Variants in CAND1 observed in about 807,000 individuals in gnomAD.
CAND1 encodes the protein cullin associated and neddylation dissociated 1.
In CAND1, 7 loss-of-function variants were observed where a neutral mutation model predicts 108.5. The ratio of observed to expected loss-of-function variants is 0.06; its 90% CI spans 0.04 to 0.12. The LOEUF (loss-of-function observed/expected upper bound fraction) is 0.12. Ranked by LOEUF, CAND1 falls within the 10% of genes least tolerant of loss-of-function variation. CAND1 has a pLI of 1.00. For missense variants in CAND1, 941 were observed against 1,448.7 expected (o/e 0.65, Z 5.69); for synonymous variants, 534 against 512.0 (o/e 1.04, Z -0.58).
At chr12:67,290,756 A>G (rs12828379) in intron 2 of CAND1, among the ~76,000 whole-genome samples, 5,158 of 152,140 alleles carry the variant, frequency 0.034, 132 homozygotes, top group Non-Finnish European at 0.051. Context: ...TTCTTAATAT[A>G]GGGGTCCTTA....
chr12:67,305,805 A>G lies in CAND1; in HGVS notation c.2137A>G (p.Ile713Val). ...ESDMHVSQMA[I>V]SFLTTLAKVY... ...TGATATGCATGTTTCACAAATGGCC[A>G]TCAGTTTTCTTACCACTTTGGCAAA... The change falls in exon 10 of 15, where the codon ATC (isoleucine) becomes GTC (valine). Residue 713 changes from isoleucine (I) to valine (V), a missense_variant. By Grantham distance (29) the Ile-to-Val change is conservative. This residue lies in a region of CAND1 where 697 missense variants were observed against 942.0 expected (regional missense o/e 0.74). Transcript: ENST00000545606. This position sits in a 1 kb window ranked among gnomAD's most constrained non-coding sequence, Gnocchi z 4.4. 6.2e-7 allele frequency: 1 copy of G among 1,614,188 alleles called. No individual in the cohort carries two copies. Among genetic ancestry groups the G allele is most frequent in the Non-Finnish European group, 8.5e-7 (1 of 1,180,036 alleles).
intron 1 of CAND1, among the ~76,000 whole-genome samples, chr12:67,280,602 TG>T (rs1473939419): frequency 6.6e-6 from 1 of 152,254 alleles, no homozygotes; most frequent in Non-Finnish European, 1.5e-5. Flanking sequence ...CCAAGAATTA[TG>T]GGACAAGTTC....
In CAND1 at chr12:67,305,690, T is replaced by C; in HGVS notation, c.2022T>C (p.Leu674=). 1 of 1,613,858 alleles carries C rather than the reference T, an allele frequency of 6.2e-7. No homozygotes were observed. Among genetic ancestry groups the C allele is most frequent in the Non-Finnish European group, 8.5e-7 (1 of 1,179,806 alleles). ...TGAAACTGGGTACTCTTTCTGCCCT[T>C]GATATTCTAATAAAAAACTATAGTG... ...RALKLGTLSA[L]DILIKNYSDS... Residue 674 remains leucine, a synonymous_variant, in exon 10 of 15, where the codon CTT becomes CTC. Coordinates refer to ENST00000545606, the MANE Select transcript of CAND1 (RefSeq NM_018448.5). This position sits in a 1 kb window ranked among gnomAD's most constrained non-coding sequence, Gnocchi z 4.4.
rs2045039544 is a variant in CAND1 at position 67,319,536 on chromosome 12, T to C, written c.*6706T>C. 1 of 152,118 alleles carries C rather than the reference T, an allele frequency of 6.6e-6. No individual in the cohort carries two copies. The highest frequency in any genetic ancestry group is 2.4e-5 in the African/African-American group (1 of 41,416). 9.4% of individuals were successfully genotyped at this position (152,118 alleles called of 1,614,324 possible). On this transcript the variant is annotated 3_prime_UTR_variant, in exon 15 of 15. Coordinates refer to ENST00000545606, the MANE Select transcript of CAND1 (RefSeq NM_018448.5). ...TGACTCCATTTTCAGGCACGTAATA[T>C]TGTCAAATTCCTTTTAAAAGCACCT...
At chr12:67,281,660 A>T (rs1286130542) in intron 1 of CAND1, among the ~76,000 whole-genome samples, 1 of 152,206 alleles carries the variant, frequency 6.6e-6, no homozygotes. Context: ...GGTACCTCAT[A>T]TAAAAGCATA....
chr12:67,294,902 T>G, intron 3 of CAND1, 131 bp from the exon 4 acceptor site: 1 of 866,776 alleles, frequency 1.2e-6, no homozygotes, highest in South Asian at 2.1e-5. Context: ...GAAAGATGTG[T>G]TTTTCTGCCC....
At chr12:67,293,103 A>G (rs1042006146) in intron 3 of CAND1, 2 of 262,560 alleles carry the variant, frequency 7.6e-6, no homozygotes, top group Non-Finnish European at 1.5e-5. Flanking sequence ...GATAACCAAA[A>G]TATTGCATCC....
chr12:67,270,310 C>T (rs1012618741), intron 1 of CAND1: 1 of 153,362 alleles, frequency 6.5e-6, no homozygotes, highest in East Asian at 1.9e-4. Context: ...CTTTTGCGCT[C>T]TTGGCTGATA....
chr12:67,304,726 A>C lies in CAND1; in HGVS notation c.1415A>C (p.His472Pro), dbSNP rs781412589. The change falls in exon 9 of 15, where the codon CAC becomes CCC. Residue 472 changes from histidine (H) to proline (P), a missense_variant. His to Pro is a moderately conservative substitution (Grantham distance 77, BLOSUM62 -2). Around this residue, in one of 9 missense-constraint regions of CAND1, gnomAD observed 697 missense variants for 942.0 expected, o/e 0.74. Coordinates refer to ENST00000545606, the MANE Select transcript of CAND1 (RefSeq NM_018448.5). ...GTATTACCTGGGGCCCTAACTCAACACATTCCTGTACTTGTACCAGGTATG... is the reference window on the plus strand; with the variant it reads ...GTATTACCTGGGGCCCTAACTCAACCCATTCCTGTACTTGTACCAGGTATG... ...VNVLPGALTQ[H>P]IPVLVPGIIF... The C allele has an allele frequency of 6.2e-6, 10 of 1,613,688 alleles. No individual in the cohort carries two copies. The highest frequency in any genetic ancestry group is 8.5e-6 in the Non-Finnish European group (10 of 1,179,874).
Position 67,312,603 on chromosome 12 carries a change from C to T in CAND1, c.3469-3C>T. 1 of 1,587,592 alleles carries T rather than the reference C, an allele frequency of 6.3e-7. No homozygotes were observed. Among genetic ancestry groups the T allele is most frequent in the Non-Finnish European group, 8.6e-7 (1 of 1,167,002 alleles). On this transcript the variant is annotated splice_polypyrimidine_tract_variant and splice_region_variant and intron_variant, in intron 14 of 14. Transcript: ENST00000545606. ...TGTAATCTAAGTTTACTCCATCTTA[C>T]AGGTAAAGGCAAACTCAGTAAAGCA... is the stretch of plus-strand genomic sequence containing the variant.
intron 1 of CAND1, among the ~76,000 whole-genome samples, chr12:67,275,594 A>G (rs2044561890): frequency 6.6e-6 from 1 of 152,182 alleles, no homozygotes; most frequent in Non-Finnish European, 1.5e-5. Flanking sequence ...GAAAAGTGAA[A>G]TAGCAGTGGT....
Position 67,319,666 on chromosome 12 carries a change from A to G in CAND1, c.*6836A>G, listed in dbSNP as rs1348507093. ...GGGCCGACTAGTCCAGCTGTTCACAAACAGCCCTTAATGTCAAACTGAATA... is the reference window on the plus strand; with the variant it reads ...GGGCCGACTAGTCCAGCTGTTCACAGACAGCCCTTAATGTCAAACTGAATA... On this transcript the variant is annotated 3_prime_UTR_variant, in exon 15 of 15. Transcript: ENST00000545606. 1 of 152,184 alleles carries G rather than the reference A, an allele frequency of 6.6e-6. No individual in the cohort carries two copies. The highest frequency in any genetic ancestry group is 2.4e-5 in the African/African-American group (1 of 41,428). The allele number at this position is 152,184 out of a possible 1,614,324, so 9.4% of individuals were successfully genotyped here.
At chr12:67,278,065 C>T (rs1295153987) in intron 1 of CAND1, among the ~76,000 whole-genome samples, 1 of 152,156 alleles carries the variant, frequency 6.6e-6, no homozygotes, top group East Asian at 1.9e-4. Flanking sequence ...CTGATATGGT[C>T]TACAAATCCT....
chr12:67,303,367 C>T (rs898448122), intron 8 of CAND1, among the ~76,000 whole-genome samples: 1 of 152,004 alleles, frequency 6.6e-6, no homozygotes, highest in Non-Finnish European at 1.5e-5. Flanking sequence ...TTAAGTAGTA[C>T]AAATAAATAC....
In CAND1 at chr12:67,317,266, G is replaced by C. The variant is rs2045016092; in HGVS notation, c.*4436G>C. ...TTCTCCCACCTCAGCCTCCCGAGTA[G>C]CTGGGAGTATAGGTGTGTGCCACCA... On this transcript the variant is annotated 3_prime_UTR_variant, in exon 15 of 15. Transcript: ENST00000545606. 6.6e-6 allele frequency: 1 copy of C among 152,218 alleles called. No homozygotes were observed. The highest frequency in any genetic ancestry group is 2.1e-4 in the South Asian group (1 of 4,806). 9.4% of individuals were successfully genotyped at this position (152,218 alleles called of 1,614,324 possible).
At position 67,302,341 on chromosome 12, in the gene CAND1, GTGA is replaced by G. The variant is rs2044833127; in HGVS notation, c.1029_1031del (p.Asp344del). On this transcript the variant is annotated inframe_deletion, in exon 8 of 15. Coordinates refer to ENST00000545606, the MANE Select transcript of CAND1 (RefSeq NM_018448.5). ...CCCTTAGGGAGTGATGATGAATACA[GTGA>G]TGATGATGACATGAGTTGGAAAGTG... 1 of 1,613,486 alleles carries G rather than the reference GTGA, an allele frequency of 6.2e-7. No homozygotes were observed. Among genetic ancestry groups the G allele is most frequent in the Admixed American group, 1.7e-5 (1 of 59,986 alleles).
intron 2 of CAND1, 38 bp downstream of exon 2, chr12:67,282,091 T>C: frequency 6.2e-7 from 1 of 1,605,850 alleles, no homozygotes; most frequent in Non-Finnish European, 8.5e-7. Flanking sequence ...TTCTTCCTGC[T>C]CCCCCAACCC....
chr12:67,304,997 A>G (rs900675254), intron 9 of CAND1, 107 bp from the exon 10 acceptor site: 1 of 989,292 alleles, frequency 1.0e-6, no homozygotes, highest in East Asian at 2.6e-5. Context: ...ACTTATAGAA[A>G]TAATATAATG....
rs903936517 is a variant in CAND1 at position 67,318,304 on chromosome 12, T to C, written c.*5474T>C. The C allele has an allele frequency of 5.3e-5, 8 of 152,252 alleles. No individual in the cohort carries two copies. Among genetic ancestry groups the C allele is most frequent in the African/African-American group, 1.9e-4 (8 of 41,458 alleles). 9.4% of individuals were successfully genotyped at this position (152,252 alleles called of 1,614,324 possible). ...TCAAAAAAAACAAGGACTCTACAGATAGATAGACATCATATATCATATTAG... is the reference window on the plus strand; with the variant it reads ...TCAAAAAAAACAAGGACTCTACAGACAGATAGACATCATATATCATATTAG... On this transcript the variant is annotated 3_prime_UTR_variant, in exon 15 of 15. Transcript: ENST00000545606.
Sources: allele counts gnomAD v4.1 joint callset (sites outside exome capture counted in the v4.1 genomes callset), GRCh38; gene constraint gnomAD v4.1.1; regional missense constraint gnomAD v4.1.1; non-coding constraint Gnocchi (gnomAD v3.1); transcripts MANE v1.5; gene names NCBI Gene and HGNC (gene_info 2026-07-23, HGNC 2026-07-21).